Variants in PPARGC1B observed in about 807,000 individuals in gnomAD.
The protein encoded by PPARGC1B is peroxisome proliferator-activated receptor gamma coactivator 1-beta.
Under a neutral mutation model 101.6 loss-of-function variants are expected in PPARGC1B, and 34 were observed. The observed-to-expected ratio is 0.33, with a 90% CI of 0.25 to 0.45. The LOEUF (loss-of-function observed/expected upper bound fraction) is 0.45, where lower values mean the gene tolerates loss of function less well. PPARGC1B is among the 20% of genes least tolerant of loss of function. PPARGC1B has a pLI of 1.00. For missense variants in PPARGC1B, 1,234 were observed against 1,317.6 expected (o/e 0.94, Z 0.98); for synonymous variants, 548 against 539.3 (o/e 1.02, Z -0.22).
intron 3 of PPARGC1B, among the ~76,000 whole-genome samples, chr5:149,830,559 G>A (rs1703052677): frequency 6.6e-6 from 1 of 152,194 alleles, no homozygotes; most frequent in Admixed American, 6.5e-5. Context: ...TATGTTATTA[G>A]CATACTTACG....
intron 1 of PPARGC1B, among the ~76,000 whole-genome samples, chr5:149,779,883 A>T (rs1298194007): frequency 6.6e-6 from 1 of 152,134 alleles, no homozygotes; most frequent in Non-Finnish European, 1.5e-5. Flanking sequence ...TGATTGAGAA[A>T]GGAGTAGATG....
rs1758827712 is a variant in PPARGC1B at position 149,832,391 on chromosome 5, TTG to T, written c.583-263_583-262del. On this transcript the variant is annotated intron_variant, in intron 4 of 11. Transcript: ENST00000309241. The surrounding 1 kb of genome is among the most constrained non-coding windows in gnomAD (Gnocchi z 4.9). ...GAGGCGGAATGGTCAGAGTGGGGCT[TTG>T]TCAGTGAATCTGGAAGGGTCTGCAG... 6.6e-6 allele frequency among the ~76,000 whole-genome samples: 1 copy of T among 151,892 alleles called. No homozygotes were observed. Among genetic ancestry groups the T allele is most frequent in the South Asian group, 2.1e-4 (1 of 4,808 alleles).
chr5:149,823,866 AC>A (rs1758400416), intron 2 of PPARGC1B, among the ~76,000 whole-genome samples: 1 of 152,060 alleles, frequency 6.6e-6, no homozygotes, highest in Admixed American at 6.5e-5. Context: ...TCATTTCAGC[AC>A]CGTGACCGGC....
At chr5:149,802,237 A>C (rs1398321540) in intron 1 of PPARGC1B, among the ~76,000 whole-genome samples, 2 of 152,186 alleles carry the variant, frequency 1.3e-5, no homozygotes, top group African/African-American at 2.4e-5. Flanking sequence ...GCATTGTCCT[A>C]CACGGTCTGA....
rs1012652403 is a variant in PPARGC1B at position 149,826,812 on chromosome 5, C to T, written c.392C>T (p.Pro131Leu). 4.3e-6 allele frequency: 7 copies of T among 1,613,900 alleles called. No homozygotes were observed. The highest frequency in any genetic ancestry group is 5.9e-6 in the Non-Finnish European group (7 of 1,179,912). ...TCATGCACCTCAGCTTCGCCTGCCC[C>T]CTCATCTGCACCCCCCAGCCCTGCC... The part of the protein sequence containing the change: ...ALSCTSASPA[P>L]SSAPPSPAPE... Residue 131 changes from proline to leucine, a missense_variant, in exon 3 of 12, where the codon CCC becomes CTC. Physicochemically the swap from Pro to Leu is moderately conservative, Grantham distance 98. Transcript: ENST00000309241.
chr5:149,787,454 C>T (rs1365262305), intron 1 of PPARGC1B, among the ~76,000 whole-genome samples: 1 of 152,178 alleles, frequency 6.6e-6, no homozygotes, highest in Non-Finnish European at 1.5e-5. Flanking sequence ...CAAATTGGCT[C>T]CAGGTTGGGA....
chr5:149,746,487 A>C (rs1049608423), intron 1 of PPARGC1B, among the ~76,000 whole-genome samples: 2 of 152,210 alleles, frequency 1.3e-5, no homozygotes, highest in African/African-American at 4.8e-5. Flanking sequence ...CATTTTGCTT[A>C]TCCATTCATT....
At chr5:149,834,616 A>G (rs1380566132) in intron 5 of PPARGC1B, 58 bp from the exon 6 acceptor site, 1 of 1,542,496 alleles carries the variant, frequency 6.5e-7, no homozygotes, top group African/African-American at 1.4e-5. Context: ...TCCAGAGGGG[A>G]AACATCTGCT....
At chr5:149,825,099 A>G (rs1239362629) in intron 2 of PPARGC1B, among the ~76,000 whole-genome samples, 1 of 152,214 alleles carries the variant, frequency 6.6e-6, no homozygotes, top group Non-Finnish European at 1.5e-5. Flanking sequence ...CAGCCCGGGG[A>G]CCAGGCCTTA....
intron 1 of PPARGC1B, among the ~76,000 whole-genome samples, chr5:149,769,685 C>T (rs570550424): frequency 6.6e-6 from 1 of 152,316 alleles, no homozygotes; most frequent in South Asian, 2.1e-4. Context: ...AGCAGCCAAA[C>T]ATGGGTCTCA....
rs781388130 is a variant in PPARGC1B at position 149,833,095 on chromosome 5, C to G, written c.1022C>G (p.Ser341Cys). The change falls in exon 5 of 12, where the codon TCC (serine) becomes TGC (cysteine). Residue 341 changes from serine (S) to cysteine (C), a missense_variant. This residue lies in a region of PPARGC1B where 734 missense variants were observed against 768.4 expected (regional missense o/e 0.96). Transcript: ENST00000309241. The surrounding 1 kb of genome is among the most constrained non-coding windows in gnomAD (Gnocchi z 4.1). Reference protein sequence around the residue: ...HHSKASWAEFSILRELLAQDV... With the variant: ...HHSKASWAEFCILRELLAQDV... ...TCCAAAGCCTCCTGGGCTGAGTTCT[C>G]CATTCTGAGGGAACTTCTGGCTCAA... is the stretch of plus-strand genomic sequence containing the variant. 4 of 1,613,928 alleles carry G rather than the reference C, an allele frequency of 2.5e-6. No individual in the cohort carries two copies. Among genetic ancestry groups the G allele is most frequent in the Non-Finnish European group, 3.4e-6 (4 of 1,180,034 alleles).
At chr5:149,790,000 C>G (rs533602028) in intron 1 of PPARGC1B, among the ~76,000 whole-genome samples, 20 of 152,254 alleles carry the variant, frequency 1.3e-4, no homozygotes, top group Non-Finnish European at 2.8e-4. Flanking sequence ...GTCAAACTGC[C>G]TGGGTTTGTT....
rs1167721179 is a variant in PPARGC1B at position 149,854,605 on chromosome 5, G to C, written c.*7047G>C. 6.6e-6 allele frequency: 1 copy of C among 151,584 alleles called. No individual in the cohort carries two copies. The highest frequency in any genetic ancestry group is 6.6e-5 in the Admixed American group (1 of 15,240). 9.4% of individuals were successfully genotyped at this position (151,584 alleles called of 1,614,324 possible). On this transcript the variant is annotated 3_prime_UTR_variant, in exon 12 of 12. Coordinates refer to ENST00000309241, the MANE Select transcript of PPARGC1B (RefSeq NM_133263.4). ...TTTATATATTTTTTCCATTTTGTTG[G>C]GTTGTGTCCTTATTTATATAAATAC... is the stretch of plus-strand genomic sequence containing the variant.
Position 149,840,126 on chromosome 5 carries a change from C to T in PPARGC1B, c.2694+10C>T. On this transcript the variant is annotated intron_variant, in intron 9 of 11. Coordinates refer to ENST00000309241, the MANE Select transcript of PPARGC1B (RefSeq NM_133263.4). Reference sequence around the variant, plus strand: ...GCGGGAAAAGGCCATTGTAAGTGATCTGGGGGCCCAGAGCCTGGAGTGAAT... The same window carrying T: ...GCGGGAAAAGGCCATTGTAAGTGATTTGGGGGCCCAGAGCCTGGAGTGAAT... 6.2e-7 allele frequency: 1 copy of T among 1,608,562 alleles called. No individual in the cohort carries two copies. The highest frequency in any genetic ancestry group is 8.5e-7 in the Non-Finnish European group (1 of 1,177,140).
chr5:149,829,512 A>G (rs907965175), intron 3 of PPARGC1B, among the ~76,000 whole-genome samples: 3 of 152,034 alleles, frequency 2.0e-5, no homozygotes, highest in Non-Finnish European at 4.4e-5. Flanking sequence ...CATGTTCCCC[A>G]GGGAAACTCT....
At position 149,772,011 on chromosome 5, in the gene PPARGC1B, G is replaced by T. The variant is rs1756150187; in HGVS notation, c.78+41591G>T. 2.0e-6 allele frequency: 3 copies of T among 1,471,590 alleles called. No individual in the cohort carries two copies. In the South Asian group the frequency reaches 4.2e-5, roughly 21 times the overall value. 91.2% of individuals were successfully genotyped at this position (1,471,590 alleles called of 1,614,324 possible). On this transcript the variant is annotated intron_variant, in intron 1 of 11. Transcript: ENST00000309241. Reference sequence around the variant, plus strand: ...TCCCAGACTTACAGGCAGGAAGCAGGCTCAGAGAAGTGAAGGTTTCCAACT... The same window carrying T: ...TCCCAGACTTACAGGCAGGAAGCAGTCTCAGAGAAGTGAAGGTTTCCAACT...
Position 149,755,052 on chromosome 5 carries a change from C to CATATATATATATATATATATATAT in PPARGC1B, c.78+24653_78+24654insTATATATATATATATATATATATA, listed in dbSNP as rs1199839991. ...TACACTACATATACATATACATATA[C>CATATATATATATATATATATATAT]ATATATATATATATATATATAATTT... On this transcript the variant is annotated intron_variant, in intron 1 of 11. Coordinates refer to ENST00000309241, the MANE Select transcript of PPARGC1B (RefSeq NM_133263.4). Among the ~76,000 whole-genome samples, 374 of 108,748 alleles carry CATATATATATATATATATATATAT rather than the reference C, an allele frequency of 3.4e-3. 12 individuals are homozygous for CATATATATATATATATATATATAT. The highest frequency in any genetic ancestry group is 0.012 in the African/African-American group (329 of 26,456). 71.3% of individuals were successfully genotyped at this position (108,748 alleles called of 152,430 possible).
intron 1 of PPARGC1B, among the ~76,000 whole-genome samples, chr5:149,820,230 A>G (rs558430076): frequency 1.5e-4 from 23 of 152,298 alleles, no homozygotes; most frequent in African/African-American, 5.3e-4. Context: ...GGAGAGCAGC[A>G]GGGGGTTTTG....
intron 1 of PPARGC1B, among the ~76,000 whole-genome samples, chr5:149,783,551 G>A (rs892425471): frequency 6.6e-6 from 1 of 152,178 alleles, no homozygotes; most frequent in African/African-American, 2.4e-5. Flanking sequence ...GTGCCCAGGA[G>A]ATTATAATCC....
Sources: gnomAD v4.1 joint callset for allele counts (sites outside exome capture counted in the v4.1 genomes callset) on GRCh38, gnomAD v4.1.1 for gene constraint, gnomAD v4.1.1 regional missense constraint, Gnocchi (gnomAD v3.1) non-coding constraint, MANE v1.5 for transcripts, NCBI Gene and HGNC (gene_info 2026-07-23, HGNC 2026-07-21) for gene names.